Variants in DIAPH2 observed in about 807,000 individuals in gnomAD.
The protein encoded by DIAPH2 is protein diaphanous homolog 2.
In DIAPH2, 35 loss-of-function variants were observed where a neutral mutation model predicts 92.7. The ratio of observed to expected loss-of-function variants is 0.38; its 90% confidence interval spans 0.29 to 0.50. The LOEUF is 0.50. Ranked by LOEUF, DIAPH2 falls within the 20% of genes least tolerant of loss-of-function variation. The pLI, the probability that DIAPH2 is intolerant of heterozygous loss-of-function variation, is 0.94. For synonymous variants in DIAPH2, 301 were observed against 280.4 expected (o/e 1.07, Z -0.73); for missense variants, 701 against 819.5 (o/e 0.86, Z 1.77).
At chrX:97,199,001 A>T (rs1350609693) in intron 22 of DIAPH2, among the ~76,000 whole-genome samples, 3 of 110,227 alleles carry the variant, frequency 2.7e-5, no homozygotes, top group Non-Finnish European at 5.7e-5. Context: ...AGAAAGAAGA[A>T]TTCACAAGCA....
At chrX:97,144,418 T>C (rs969443008) in intron 22 of DIAPH2, among the ~76,000 whole-genome samples, 8 of 111,136 alleles carry the variant, frequency 7.2e-5, no homozygotes, top group Admixed American at 4.8e-4. Flanking sequence ...TATTTCAAAA[T>C]AGCTAGAAGA....
intron 25 of DIAPH2, among the ~76,000 whole-genome samples, chrX:97,411,485 C>T (rs1037843967): frequency 8.9e-6 from 1 of 111,957 alleles, no homozygotes; most frequent in Non-Finnish European, 1.9e-5. Flanking sequence ...TAGGAAGAAA[C>T]TGCATCAACT....
chrX:97,254,349 G>A, intron 23 of DIAPH2, among the ~76,000 whole-genome samples: 1 of 110,313 alleles, frequency 9.1e-6, no homozygotes, highest in Non-Finnish European at 1.9e-5. Flanking sequence ...AAAATTAGCT[G>A]GGTGTGATGG....
At chrX:96,908,699 C>T (rs939578581) in intron 5 of DIAPH2, among the ~76,000 whole-genome samples, 10 of 110,807 alleles carry the variant, frequency 9.0e-5, no homozygotes, top group African/African-American at 2.0e-4. Flanking sequence ...CCTGGGTTCA[C>T]GCCATTCTCC....
intron 23 of DIAPH2, among the ~76,000 whole-genome samples, chrX:97,343,864 G>A (rs376162536): frequency 8.1e-5 from 9 of 110,942 alleles, no homozygotes; most frequent in African/African-American, 3.0e-4. Context: ...CCACATGAAG[G>A]TCACTATTAT....
intron 22 of DIAPH2, among the ~76,000 whole-genome samples, chrX:97,231,165 C>T (rs781359874): frequency 1.5e-4 from 17 of 109,795 alleles, no homozygotes; most frequent in Admixed American, 5.9e-4. Context: ...GCAGTCCATA[C>T]GTTAGGTCAG....
chrX:97,088,421 A>G (rs1051590933), intron 19 of DIAPH2, among the ~76,000 whole-genome samples: 7 of 112,361 alleles, frequency 6.2e-5, no homozygotes, highest in African/African-American at 2.3e-4. Context: ...TGTGATGCAG[A>G]CATTCTGAGC....
At chrX:97,103,383 A>C (rs1185222193) in intron 20 of DIAPH2, among the ~76,000 whole-genome samples, 4 of 110,805 alleles carry the variant, frequency 3.6e-5, no homozygotes, top group Non-Finnish European at 7.5e-5. Flanking sequence ...TCCTAGCATC[A>C]GTTTTTTTCA....
chrX:96,989,372 G>A (rs1300831969), intron 17 of DIAPH2, among the ~76,000 whole-genome samples: 1 of 111,632 alleles, frequency 9.0e-6, no homozygotes, highest in East Asian at 2.8e-4. Context: ...CAGAATGAGT[G>A]GAATTGGTAA....
chrX:96,755,050 A>G (rs2064218073), intron 3 of DIAPH2, among the ~76,000 whole-genome samples: 1 of 109,804 alleles, frequency 9.1e-6, no homozygotes, highest in African/African-American at 3.3e-5. Flanking sequence ...ACAATGCCAG[A>G]GCCTATGAGA....
intron 4 of DIAPH2, among the ~76,000 whole-genome samples, chrX:96,782,680 C>T (rs745676180): frequency 6.6e-4 from 73 of 111,392 alleles, no homozygotes; most frequent in African/African-American, 2.2e-3. Context: ...GCGATCTGCC[C>T]TCCTCCGCCT....
chrX:97,324,782 C>T (rs1477383283), intron 23 of DIAPH2, among the ~76,000 whole-genome samples: 15 of 111,411 alleles, frequency 1.3e-4, no homozygotes, highest in Non-Finnish European at 5.7e-5. Context: ...GAAAAGTTAT[C>T]GAAGTAAATT....
At chrX:96,836,709 A>ATT (rs1707938785) in intron 4 of DIAPH2, among the ~76,000 whole-genome samples, 2 of 27,178 alleles carry the variant, frequency 7.4e-5, no homozygotes, top group Non-Finnish European at 1.2e-4. Flanking sequence ...ATATATATAT[A>ATT]TATATATATT....
intron 22 of DIAPH2, among the ~76,000 whole-genome samples, chrX:97,218,390 A>G (rs923387462): frequency 1.8e-5 from 2 of 112,105 alleles, no homozygotes; most frequent in African/African-American, 6.5e-5. Context: ...GCGCCCAGCC[A>G]GGACATGCTT....
At chrX:97,593,033 G>A (rs2071527681) in intron 26 of DIAPH2, among the ~76,000 whole-genome samples, 1 of 112,027 alleles carries the variant, frequency 8.9e-6, no homozygotes, top group African/African-American at 3.2e-5. Context: ...TAATTGCTAA[G>A]TGGAGGTAAT....
intron 26 of DIAPH2, among the ~76,000 whole-genome samples, chrX:97,448,433 T>C (rs1013516248): frequency 3.6e-5 from 4 of 111,943 alleles, no homozygotes; most frequent in Non-Finnish European, 5.6e-5. Context: ...TAATAGCTAA[T>C]TGAAACAGAA....
chrX:97,091,939 C>T (rs2066828761), intron 19 of DIAPH2, among the ~76,000 whole-genome samples: 1 of 111,598 alleles, frequency 9.0e-6, no homozygotes, highest in African/African-American at 3.3e-5. Flanking sequence ...GCAGAGAAGC[C>T]CCTTATCTCC....
At chrX:97,561,112 A>C (rs2071291406) in intron 26 of DIAPH2, among the ~76,000 whole-genome samples, 1 of 112,141 alleles carries the variant, frequency 8.9e-6, no homozygotes, top group Non-Finnish European at 1.9e-5. Flanking sequence ...TTTAGTGCTT[A>C]TCACTAGGCA....
chrX:97,591,793 T>G (rs1182765975), intron 26 of DIAPH2, among the ~76,000 whole-genome samples: 1 of 112,119 alleles, frequency 8.9e-6, no homozygotes, highest in East Asian at 2.8e-4. Context: ...ACTTTGAACA[T>G]CATAGAGAGA....
Sources: allele counts gnomAD v4.1 joint callset (sites outside exome capture counted in the v4.1 genomes callset), GRCh38; gene constraint gnomAD v4.1.1; transcripts MANE v1.5; gene names NCBI Gene and HGNC (gene_info 2026-07-23, HGNC 2026-07-21).